FBXO4: variants seen among roughly 807,000 people sequenced by gnomAD.
FBXO4 encodes F-box only protein 4.
In FBXO4, 36 loss-of-function variants were observed where a neutral mutation model predicts 43.7. That is an observed-to-expected ratio of 0.82 (90% CI 0.63 to 1.09). The LOEUF (loss-of-function observed/expected upper bound fraction) is 1.09, where lower values mean the gene tolerates loss of function less well. Ranked by LOEUF, FBXO4 falls within the 50% of genes least tolerant of loss-of-function variation. The pLI is 0.00. For missense variants in FBXO4, 435 were observed against 474.1 expected (o/e 0.92, Z 0.77); for synonymous variants, 180 against 165.6 (o/e 1.09, Z -0.67).
At chr5:41,942,369 G>A (rs1017639703), downstream of FBXO4, among the ~76,000 whole-genome samples, 1 of 151,122 alleles carries the variant, frequency 6.6e-6, no homozygotes, top group African/African-American at 2.5e-5. Flanking sequence ...ATAGAAGAGT[G>A]GTTTAATTTA....
the FBXO4 span, among the ~76,000 whole-genome samples, chr5:42,030,374 T>G: frequency 6.6e-6 from 1 of 152,164 alleles, no homozygotes; most frequent in South Asian, 2.1e-4. Context: ...CCCTATTTAA[T>G]AAATGGTGCT....
the FBXO4 span, among the ~76,000 whole-genome samples, chr5:41,996,016 C>G: frequency 6.6e-6 from 1 of 152,168 alleles, no homozygotes; most frequent in African/African-American, 2.4e-5. Flanking sequence ...CATGCAGAAC[C>G]GTCTGTGAAC....
At chr5:41,948,296 C>T in the FBXO4 span, among the ~76,000 whole-genome samples, 10 of 152,068 alleles carry the variant, frequency 6.6e-5, no homozygotes, top group South Asian at 2.1e-4. Context: ...CCACCACGCC[C>T]GGCTAATTTT....
the FBXO4 span, among the ~76,000 whole-genome samples, chr5:42,015,719 GA>G: frequency 0.05 from 7,285 of 144,646 alleles, 568 homozygotes; most frequent in African/African-American, 0.17. Flanking sequence ...TGCCAGGATT[GA>G]AAAAAAAAAA....
At chr5:42,013,246 C>T in the FBXO4 span, among the ~76,000 whole-genome samples, 1 of 152,120 alleles carries the variant, frequency 6.6e-6, no homozygotes, top group Non-Finnish European at 1.5e-5. Context: ...CACTACTGCA[C>T]TCCAGCCTGG....
the FBXO4 span, among the ~76,000 whole-genome samples, chr5:41,974,909 CT>C: frequency 6.6e-6 from 1 of 151,964 alleles, no homozygotes; most frequent in South Asian, 2.1e-4. Flanking sequence ...TGGGTGTATC[CT>C]TTTTTTCTGT....
At chr5:42,031,117 G>A in the FBXO4 span, among the ~76,000 whole-genome samples, 12 of 152,216 alleles carry the variant, frequency 7.9e-5, no homozygotes, top group East Asian at 1.9e-4. Context: ...GGTAGATACC[G>A]AAAGGATTAT....
chr5:41,961,990 T>A, the FBXO4 span, among the ~76,000 whole-genome samples: 1 of 152,178 alleles, frequency 6.6e-6, no homozygotes, highest in Admixed American at 6.5e-5. Context: ...CCAGCAATCT[T>A]TTCTATGTGC....
chr5:42,026,410 T>A, the FBXO4 span, among the ~76,000 whole-genome samples: 3 of 151,918 alleles, frequency 2.0e-5, no homozygotes, highest in African/African-American at 7.2e-5. Context: ...GTATGCTGAT[T>A]TTGCATCCTG....
intron 5 of FBXO4, among the ~76,000 whole-genome samples, chr5:41,938,918 C>T (rs965446428): frequency 2.0e-5 from 3 of 150,372 alleles, no homozygotes; most frequent in African/African-American, 5.0e-5. Context: ...CAAGAAGAGC[C>T]GCTTTTAAGG....
the FBXO4 span, among the ~76,000 whole-genome samples, chr5:41,980,769 G>A: frequency 6.6e-6 from 1 of 151,240 alleles, no homozygotes; most frequent in African/African-American, 2.4e-5. Flanking sequence ...TTAGCTACCT[G>A]TGTATTTTTT....
At position 41,927,031 on chromosome 5, in the gene FBXO4, A is replaced by G. The variant is rs1751527161; in HGVS notation, c.208A>G (p.Ile70Val). ...TRLPIDVQLY[I>V]LSFLSPHDLC... is the part of the protein sequence containing the mutation. ...GTTTCAGATTGATGTACAGCTATAT[A>G]TTTTGTCCTTTCTTTCACCTCATGA... The change falls in exon 2 of 7, where the codon ATT becomes GTT. Residue 70 changes from isoleucine (I) to valine (V), a missense_variant. By Grantham distance (29) the Ile-to-Val change is conservative. Coordinates refer to ENST00000281623, the MANE Select transcript of FBXO4 (RefSeq NM_012176.3). 3 of 1,609,888 alleles carry G rather than the reference A, an allele frequency of 1.9e-6. No homozygotes were observed. The highest frequency in any genetic ancestry group is 1.3e-5 in the African/African-American group (1 of 74,678).
At chr5:42,020,845 G>A in the FBXO4 span, among the ~76,000 whole-genome samples, 1 of 152,124 alleles carries the variant, frequency 6.6e-6, no homozygotes, top group African/African-American at 2.4e-5. Flanking sequence ...AGTTAGAATG[G>A]GTTAGACACA....
the FBXO4 span, among the ~76,000 whole-genome samples, chr5:42,013,448 T>C: frequency 1.3e-5 from 2 of 152,322 alleles, no homozygotes; most frequent in African/African-American, 4.8e-5. Flanking sequence ...TATTGGCTAA[T>C]ATTTTTATCA....
the FBXO4 span, among the ~76,000 whole-genome samples, chr5:41,985,699 T>A: frequency 6.6e-6 from 1 of 152,148 alleles, no homozygotes; most frequent in Non-Finnish European, 1.5e-5. Flanking sequence ...TTCCTTGAGA[T>A]TTGGTTTTCT....
intron 3 of FBXO4, among the ~76,000 whole-genome samples, chr5:41,932,339 A>G (rs1236096762): frequency 6.6e-6 from 1 of 152,182 alleles, no homozygotes; most frequent in Non-Finnish European, 1.5e-5. Context: ...GAAACATGGT[A>G]AAGTTTGATT....
At chr5:42,012,772 A>G in the FBXO4 span, among the ~76,000 whole-genome samples, 2 of 152,316 alleles carry the variant, frequency 1.3e-5, no homozygotes, top group East Asian at 3.9e-4. Context: ...AATGGCCTGC[A>G]TATAACTTCT....
downstream of FBXO4, among the ~76,000 whole-genome samples, chr5:41,944,586 G>A (rs577125659): frequency 5.3e-5 from 8 of 152,258 alleles, no homozygotes; most frequent in South Asian, 1.4e-3. Context: ...TAAAAAATGA[G>A]ACTACATAAA....
the FBXO4 span, among the ~76,000 whole-genome samples, chr5:42,029,821 C>T: frequency 0.078 from 11,838 of 151,896 alleles, 575 homozygotes; most frequent in African/African-American, 0.13. Context: ...TTATTTTAAT[C>T]TCTTTGTTAA....
Sources: allele counts gnomAD v4.1 joint callset (sites outside exome capture counted in the v4.1 genomes callset), GRCh38; gene constraint gnomAD v4.1.1; transcripts MANE v1.5; gene names NCBI Gene and HGNC (gene_info 2026-07-23, HGNC 2026-07-21).